Variants in CLINT1 observed in about 807,000 individuals in gnomAD.
CLINT1 encodes clathrin interacting protein localized in the trans-Golgi region.
Under a neutral mutation model 70.4 loss-of-function variants are expected in CLINT1, and 15 were observed. The ratio of observed to expected loss-of-function variants is 0.21; its 90% CI spans 0.14 to 0.33. The LOEUF is 0.33. Among genes scored for constraint, CLINT1 ranks in the 10% least tolerant of loss-of-function variants. The pLI, the probability that CLINT1 is intolerant of heterozygous loss-of-function variation, is 1.00. For synonymous variants in CLINT1, 227 were observed against 254.7 expected (o/e 0.89, Z 1.04); for missense variants, 615 against 778.1 (o/e 0.79, Z 2.49).
intron 8 of CLINT1, 65 bp from the exon 9 acceptor site, chr5:157,795,037 C>T: frequency 7.7e-7 from 1 of 1,302,668 alleles, no homozygotes; most frequent in Non-Finnish European, 1.1e-6. Flanking sequence ...TTTCTGGAGG[C>T]CATTTTAGTG....
Position 157,813,220 on chromosome 5 carries a change from A to G in CLINT1, c.360T>C (p.His120=). ...GAATATTTATACCTTGATCCTTACC[A>G]TGCTCATCTATGAGGATGGTAAGAG... The part of the protein sequence containing the change: ...SLENYHFVDE[H]GKDQGINIRQ... Residue 120 remains histidine, a synonymous_variant, in exon 5 of 12, where the codon CAT becomes CAC. Coordinates refer to ENST00000411809, the MANE Select transcript of CLINT1 (RefSeq NM_014666.4). 1 of 1,612,330 alleles carries G rather than the reference A, an allele frequency of 6.2e-7. No individual in the cohort carries two copies. The highest frequency in any genetic ancestry group is 8.5e-7 in the Non-Finnish European group (1 of 1,179,676).
At chr5:157,828,534 C>A (rs774233400) in intron 1 of CLINT1, among the ~76,000 whole-genome samples, 3 of 151,998 alleles carry the variant, frequency 2.0e-5, no homozygotes, top group African/African-American at 4.8e-5. Context: ...ACCAAAAAAA[C>A]CATATGAAAA....
intron 5 of CLINT1, among the ~76,000 whole-genome samples, chr5:157,812,844 AGCCATTAAT>A (rs770500907): frequency 1.3e-5 from 2 of 152,232 alleles, no homozygotes; most frequent in Non-Finnish European, 2.9e-5. Context: ...TCATTTAATT[AGCCATTAAT>A]GGTTAAAATC....
chr5:157,823,583 T>A (rs1762941421), intron 1 of CLINT1: 1 of 171,200 alleles, frequency 5.8e-6, no homozygotes, highest in East Asian at 1.9e-4. Context: ...TATGATTTTT[T>A]AAAACTGTTA....
Position 157,787,571 on chromosome 5 carries a change from T to C in CLINT1, c.*75A>G. The C allele has an allele frequency of 8.6e-7, 1 of 1,161,320 alleles. No individual in the cohort carries two copies. The highest frequency in any genetic ancestry group is 1.2e-6 in the Non-Finnish European group (1 of 800,956). The allele number at this position is 1,161,320 out of a possible 1,614,324, so 71.9% of individuals were successfully genotyped here. A position where few individuals can be genotyped will look rare whatever the true frequency, so the allele number is the denominator to read the frequency against. ...CTTGATAAAAGAAAGGGTAGTTGAT[T>C]AGCATTTTCCATCCCAACATCACCT... On this transcript the variant is annotated 3_prime_UTR_variant, in exon 12 of 12. Coordinates refer to ENST00000411809, the MANE Select transcript of CLINT1 (RefSeq NM_014666.4).
At chr5:157,821,171 T>A (rs1581510154) in intron 1 of CLINT1, among the ~76,000 whole-genome samples, 3 of 150,030 alleles carry the variant, frequency 2.0e-5, no homozygotes, top group Non-Finnish European at 4.4e-5. Flanking sequence ...CATGTAATTA[T>A]CATTATAACA....
At position 157,786,659 on chromosome 5, in the gene CLINT1, TCAAAAC is replaced by T; in HGVS notation, c.*981_*986del. On this transcript the variant is annotated 3_prime_UTR_variant, in exon 12 of 12. Coordinates refer to ENST00000411809, the MANE Select transcript of CLINT1 (RefSeq NM_014666.4). ...ATTGCTAATGCTGCATTATATACACTCAAAACCAAAACAAAACAAATACTGTATAAA... is the reference window on the plus strand; with the variant it reads ...ATTGCTAATGCTGCATTATATACACTCAAAACAAAACAAATACTGTATAAA... 1 of 152,624 alleles carries T rather than the reference TCAAAAC, an allele frequency of 6.6e-6. No individual in the cohort carries two copies. The highest frequency in any genetic ancestry group is 1.9e-4 in the East Asian group (1 of 5,184). The allele number at this position is 152,624 out of a possible 1,614,324, so 9.5% of individuals were successfully genotyped here.
chr5:157,791,516 G>T, intron 10 of CLINT1, 187 bp downstream of exon 10: 1 of 586,824 alleles, frequency 1.7e-6, no homozygotes. Flanking sequence ...GAATGCAAAT[G>T]ACTATGCTAG....
intron 1 of CLINT1, among the ~76,000 whole-genome samples, chr5:157,831,371 C>G (rs1416794291): frequency 6.6e-6 from 1 of 151,634 alleles, no homozygotes; most frequent in Non-Finnish European, 1.5e-5. Context: ...TTTGTATTTT[C>G]AGTAAAGACA....
chr5:157,795,137 C>G, intron 8 of CLINT1, 165 bp from the exon 9 acceptor site: 1 of 620,946 alleles, frequency 1.6e-6, no homozygotes, highest in South Asian at 2.0e-5. Flanking sequence ...TCACTATGTT[C>G]CCTATGAGCT....
At chr5:157,789,171 G>T (rs1761826332) in intron 11 of CLINT1, among the ~76,000 whole-genome samples, 192 bp downstream of exon 11, 1 of 152,036 alleles carries the variant, frequency 6.6e-6, no homozygotes. Flanking sequence ...GACAAGAATA[G>T]AATATAAAGT....
intron 3 of CLINT1, among the ~76,000 whole-genome samples, chr5:157,816,197 G>C (rs1425113644): frequency 6.6e-6 from 1 of 152,030 alleles, no homozygotes; most frequent in East Asian, 1.9e-4. Context: ...GAAGAAGCAA[G>C]AAAATATGGT....
intron 1 of CLINT1, among the ~76,000 whole-genome samples, chr5:157,825,881 A>T (rs1471127159): frequency 6.6e-6 from 1 of 152,166 alleles, no homozygotes; most frequent in Non-Finnish European, 1.5e-5. Context: ...AAGGCAGAGA[A>T]ATGAACCACA....
intron 1 of CLINT1, among the ~76,000 whole-genome samples, chr5:157,822,862 A>G (rs755034460): frequency 2.0e-5 from 3 of 152,210 alleles, no homozygotes; most frequent in African/African-American, 4.8e-5. Context: ...TTTCCTCTTA[A>G]AAGTTCAAGA....
At chr5:157,829,689 A>ATTTTTT (rs3075709) in intron 1 of CLINT1, among the ~76,000 whole-genome samples, 1,105 of 108,098 alleles carry the variant, frequency 0.01, no homozygotes, top group Non-Finnish European at 0.014. Context: ...ACACCCAGCT[A>ATTTTTT]TTTTTTTTTT....
Position 157,838,324 on chromosome 5 carries a change from C to T in CLINT1, c.41+20606G>A, listed in dbSNP as rs563762582. 1.6e-4 allele frequency among the ~76,000 whole-genome samples: 24 copies of T among 152,026 alleles called. No individual in the cohort carries two copies. The East Asian group carries it at 4.1e-3, about 26-fold the overall frequency. ...TTTTAGTAAAGTCTGGGTTTTGCCACGTTGGCCAGGCTGGTCTCAAACTCC... is the reference window on the plus strand; with the variant it reads ...TTTTAGTAAAGTCTGGGTTTTGCCATGTTGGCCAGGCTGGTCTCAAACTCC... On this transcript the variant is annotated intron_variant, in intron 1 of 11. Transcript: ENST00000411809.
At chr5:157,812,980 G>T in intron 5 of CLINT1, 83 bp downstream of exon 5, 1 of 1,327,664 alleles carries the variant, frequency 7.5e-7, no homozygotes, top group Non-Finnish European at 1.0e-6. Flanking sequence ...TTAGCATTTT[G>T]GTCTTTGGTA....
chr5:157,833,031 T>TAAGGA (rs1561664912), intron 1 of CLINT1, among the ~76,000 whole-genome samples: 1 of 152,116 alleles, frequency 6.6e-6, no homozygotes, highest in African/African-American at 2.4e-5. Context: ...ATTTTAAATC[T>TAAGGA]AGTAAAGGCT....
At chr5:157,848,010 T>G (rs752496807) in intron 1 of CLINT1, among the ~76,000 whole-genome samples, 2 of 152,176 alleles carry the variant, frequency 1.3e-5, no homozygotes, top group African/African-American at 4.8e-5. Flanking sequence ...TTTCACCATA[T>G]TGCTCAGGTT....
Sources: allele counts gnomAD v4.1 joint callset (sites outside exome capture counted in the v4.1 genomes callset), GRCh38; gene constraint gnomAD v4.1.1; transcripts MANE v1.5; gene names NCBI Gene and HGNC (gene_info 2026-07-23, HGNC 2026-07-21).